The following CASK variants were observed in gnomAD, a reference collection of about 807,000 sequenced individuals.
CASK encodes the protein calcium/calmodulin dependent serine protein kinase, also known as peripheral plasma membrane protein CASK.
Under a neutral mutation model 82.9 loss-of-function variants are expected in CASK, and 4 were observed. That is an observed-to-expected ratio of 0.05 (90% CI 0.02 to 0.11). The LOEUF (loss-of-function observed/expected upper bound fraction) is 0.11, where lower values mean the gene tolerates loss of function less well. Among genes scored for constraint, CASK ranks in the 10% least tolerant of loss-of-function variants. CASK has a pLI of 1.00. For missense variants in CASK, 358 were observed against 720.9 expected, an observed-to-expected ratio of 0.50 and a Z score of 5.76; for synonymous variants, 259 against 253.5, an observed-to-expected ratio of 1.02 and a Z score of -0.20.
At chrX:41,679,936 G>T (rs1191207709) in intron 5 of CASK, among the ~76,000 whole-genome samples, 1 of 111,544 alleles carries the variant, frequency 9.0e-6, no homozygotes, top group African/African-American at 3.3e-5. Context: ...TGGGCCAGGT[G>T]CGGTGGCTCA....
chrX:41,741,423 C>T (rs2068596176), intron 4 of CASK, among the ~76,000 whole-genome samples: 1 of 112,005 alleles, frequency 8.9e-6, no homozygotes, highest in Non-Finnish European at 1.9e-5. Context: ...CATGGAAATA[C>T]TGGGTAAATT....
At chrX:41,727,029 G>C in intron 5 of CASK, 1 of 1,088,292 alleles carries the variant, frequency 9.2e-7, no homozygotes, top group Non-Finnish European at 1.2e-6. Context: ...TGACATAAAT[G>C]AACAACAATA....
At chrX:41,856,485 G>A (rs1388513973) in intron 1 of CASK, among the ~76,000 whole-genome samples, 1 of 111,360 alleles carries the variant, frequency 9.0e-6, no homozygotes, top group African/African-American at 3.3e-5. Flanking sequence ...AGTGAAGAGA[G>A]GGTAGAGTTA....
At chrX:41,837,683 A>G (rs2070953579) in intron 2 of CASK, among the ~76,000 whole-genome samples, 1 of 112,282 alleles carries the variant, frequency 8.9e-6, no homozygotes, top group African/African-American at 3.2e-5. Flanking sequence ...TTTCATTTTT[A>G]TTGCTCAGTA....
chrX:41,682,055 TAA>T (rs35914567), intron 5 of CASK, among the ~76,000 whole-genome samples: 80 of 67,781 alleles, frequency 1.2e-3, no homozygotes, highest in African/African-American at 3.8e-3. Flanking sequence ...AGGACCATTG[TAA>T]AAAAAAAAAA....
At chrX:41,630,025 A>G (rs1428434241) in intron 9 of CASK, among the ~76,000 whole-genome samples, 1 of 111,990 alleles carries the variant, frequency 8.9e-6, no homozygotes, top group Non-Finnish European at 1.9e-5. Flanking sequence ...ACTATTCACA[A>G]TCTGTTAAGA....
chrX:41,750,010 C>T (rs1284451618), intron 3 of CASK, among the ~76,000 whole-genome samples: 1 of 110,627 alleles, frequency 9.0e-6, no homozygotes, highest in Non-Finnish European at 1.9e-5. Context: ...TTCAATGCTT[C>T]ATAACCACAG....
At chrX:41,528,641 A>T (rs1350007347) in intron 25 of CASK, among the ~76,000 whole-genome samples, 1 of 112,313 alleles carries the variant, frequency 8.9e-6, no homozygotes, top group African/African-American at 3.2e-5. Flanking sequence ...CCTGTGCTTG[A>T]CATATAATAA....
chrX:41,895,919 A>C (rs1313590630), intron 1 of CASK, among the ~76,000 whole-genome samples: 1 of 111,115 alleles, frequency 9.0e-6, no homozygotes, highest in Non-Finnish European at 1.9e-5. Context: ...AAAGAGAAGT[A>C]AGATTTTCAC....
chrX:41,536,318 G>C (rs745388259), intron 22 of CASK, among the ~76,000 whole-genome samples: 1 of 110,845 alleles, frequency 9.0e-6, no homozygotes, highest in South Asian at 3.8e-4. Flanking sequence ...ATGTTGGCCA[G>C]GCTGGTCTTG....
intron 12 of CASK, among the ~76,000 whole-genome samples, chrX:41,600,911 C>T (rs1484883442): frequency 8.9e-6 from 1 of 111,869 alleles, no homozygotes; most frequent in Admixed American, 9.5e-5. Context: ...GAATATTATT[C>T]AGCCTTAAAA....
At chrX:41,810,704 A>G (rs182194613) in intron 2 of CASK, among the ~76,000 whole-genome samples, 115 of 112,324 alleles carry the variant, frequency 1.0e-3, no homozygotes, top group African/African-American at 3.6e-3. Flanking sequence ...AGCTAACATC[A>G]TAATGACAGG....
intron 25 of CASK, among the ~76,000 whole-genome samples, chrX:41,529,161 GGA>G (rs2064759200): frequency 8.9e-6 from 1 of 111,960 alleles, no homozygotes; most frequent in African/African-American, 3.2e-5. Context: ...CCAGGAAGCA[GGA>G]GAGAAGAGTG....
At chrX:41,640,560 C>T (rs2066631096) in intron 8 of CASK, among the ~76,000 whole-genome samples, 1 of 111,533 alleles carries the variant, frequency 9.0e-6, no homozygotes, top group Non-Finnish European at 1.9e-5. Flanking sequence ...ATTTTAGCCA[C>T]TGTAAAACAT....
chrX:41,532,807 G>A (rs756384430), intron 24 of CASK, among the ~76,000 whole-genome samples: 3 of 110,976 alleles, frequency 2.7e-5, no homozygotes, highest in African/African-American at 9.8e-5. Context: ...AAGAACCGGC[G>A]TTACTATTTA....
chrX:41,563,697 T>A (rs1285974283), intron 16 of CASK, among the ~76,000 whole-genome samples: 3 of 111,635 alleles, frequency 2.7e-5, no homozygotes, highest in African/African-American at 6.5e-5. Context: ...TATTTTTTTT[T>A]AGGAAAATGT....
chrX:41,695,695 A>G, intron 5 of CASK: 1 of 1,205,772 alleles, frequency 8.3e-7, no homozygotes, highest in Non-Finnish European at 1.1e-6. Flanking sequence ...TACTCCTCCC[A>G]CAGAATGCGC....
intron 22 of CASK, among the ~76,000 whole-genome samples, chrX:41,539,675 G>C (rs908320521): frequency 8.9e-6 from 1 of 112,250 alleles, no homozygotes; most frequent in African/African-American, 3.2e-5. Context: ...TGTATATTGG[G>C]ATGACCTTTC....
intron 1 of CASK, among the ~76,000 whole-genome samples, chrX:41,922,687 G>C (rs763298878): frequency 3.6e-4 from 40 of 111,715 alleles, no homozygotes; most frequent in Non-Finnish European, 4.9e-4. Flanking sequence ...CAGGCAGCCG[G>C]CCCCACGCCT....
Sources: allele counts gnomAD v4.1 joint callset (sites outside exome capture counted in the v4.1 genomes callset), GRCh38; gene constraint gnomAD v4.1.1; transcripts MANE v1.5; gene names NCBI Gene and HGNC (gene_info 2026-07-23, HGNC 2026-07-21).